UVRAG: variants seen among roughly 807,000 people sequenced by gnomAD.
The protein encoded by UVRAG is UV radiation resistance associated, also known as UV radiation resistance-associated gene protein.
A neutral mutation model predicts 78.0 loss-of-function variants in UVRAG; 19 were observed. The observed-to-expected ratio is 0.24, with a 90% CI of 0.17 to 0.36. UVRAG has a LOEUF of 0.36. Among genes scored for constraint, UVRAG ranks in the 10% least tolerant of loss-of-function variants. UVRAG has a pLI of 1.00. For synonymous variants in UVRAG, 323 were observed against 324.6 expected, an observed-to-expected ratio of 1.00 and a Z score of 0.05; for missense variants, 740 against 853.8, an observed-to-expected ratio of 0.87 and a Z score of 1.66.
intron 7 of UVRAG, among the ~76,000 whole-genome samples, chr11:75,967,082 T>G: frequency 6.6e-6 from 1 of 152,224 alleles, no homozygotes; most frequent in Non-Finnish European, 1.5e-5. Flanking sequence ...TTTTATTGGT[T>G]GTTTATGCCA....
intron 5 of UVRAG, among the ~76,000 whole-genome samples, chr11:75,898,149 G>A (rs949468116): frequency 4.6e-5 from 7 of 152,080 alleles, no homozygotes; most frequent in Admixed American, 4.6e-4. Context: ...GATTACAGGC[G>A]TGAGCCACTG....
intron 12 of UVRAG, among the ~76,000 whole-genome samples, chr11:76,018,159 A>G (rs1171984239): frequency 3.3e-5 from 5 of 152,176 alleles, no homozygotes; most frequent in Non-Finnish European, 7.3e-5. Flanking sequence ...TGGTAAAGGT[A>G]CTAATTTATA....
At position 76,140,756 on chromosome 11, in the gene UVRAG, A is replaced by G. The variant is rs1952703818; in HGVS notation, c.1443A>G (p.Gln481=). Residue 481 remains glutamine, a synonymous_variant, in exon 15 of 15, where the codon CAA becomes CAG. Transcript: ENST00000356136. ...GTGCAATCCCTGTTCCTAAGAGACA[A>G]AGCTCCATATTTGGGGGTGCAGATG... ...TSSAIPVPKR[Q]SSIFGGADVG... is the part of the protein sequence containing the mutation. 6.2e-7 allele frequency: 1 copy of G among 1,610,292 alleles called. No individual in the cohort carries two copies. The highest frequency in any genetic ancestry group is 1.7e-5 in the Admixed American group (1 of 59,212).
At chr11:75,943,694 A>G (rs571151615) in intron 6 of UVRAG, among the ~76,000 whole-genome samples, 70 of 152,266 alleles carry the variant, frequency 4.6e-4, no homozygotes, top group African/African-American at 1.6e-3. Flanking sequence ...TAATTATCAC[A>G]TGCTTTCACA....
intron 13 of UVRAG, among the ~76,000 whole-genome samples, chr11:76,084,452 T>G (rs900990038): frequency 2.2e-4 from 34 of 152,204 alleles, no homozygotes; most frequent in African/African-American, 8.0e-4. Context: ...CATGTTGTCA[T>G]TTTTATTCTC....
intron 12 of UVRAG, among the ~76,000 whole-genome samples, chr11:76,029,471 C>T (rs758173060): frequency 4.6e-5 from 7 of 152,080 alleles, no homozygotes; most frequent in South Asian, 2.1e-4. Flanking sequence ...ATTCTAAATG[C>T]GATTCAGAAT....
intron 12 of UVRAG, among the ~76,000 whole-genome samples, chr11:76,031,146 A>G (rs970004763): frequency 1.3e-5 from 2 of 152,168 alleles, no homozygotes; most frequent in African/African-American, 2.4e-5. Flanking sequence ...TCTGGCCAGG[A>G]CAATCATTAT....
Position 75,991,535 on chromosome 11 carries a change from T to G in UVRAG, c.826+8022T>G, listed in dbSNP as rs569617196. Among the ~76,000 whole-genome samples the G allele has an allele frequency of 3.3e-5, 5 of 152,278 alleles. No individual in the cohort carries two copies. In the East Asian group the frequency reaches 9.6e-4, roughly 29 times the overall value. ...GGTAGATGCTATTATTATTTACCTT[T>G]TATAGCTGAGGAAACTATGTCAGGG... On this transcript the variant is annotated intron_variant, in intron 8 of 14. Coordinates refer to ENST00000356136, the MANE Select transcript of UVRAG (RefSeq NM_003369.4).
At chr11:76,078,752 C>CAAAAAAAAAAAAAAA (rs61700855) in intron 13 of UVRAG, among the ~76,000 whole-genome samples, 1 of 37,200 alleles carries the variant, frequency 2.7e-5, no homozygotes, top group African/African-American at 6.8e-5. Flanking sequence ...ACTAAAAATA[C>CAAAAAAAAAAAAAAA]AAAAAAAAAA....
At chr11:76,104,165 A>T (rs941597658) in intron 13 of UVRAG, among the ~76,000 whole-genome samples, 1 of 152,192 alleles carries the variant, frequency 6.6e-6, no homozygotes, top group African/African-American at 2.4e-5. Flanking sequence ...TCATATGTAG[A>T]GTGGGAATTA....
intron 12 of UVRAG, among the ~76,000 whole-genome samples, chr11:76,048,414 C>G (rs756749013): frequency 6.6e-6 from 1 of 152,162 alleles, no homozygotes; most frequent in Non-Finnish European, 1.5e-5. Flanking sequence ...CTTGTAAGTA[C>G]TTGTCAGAGG....
At chr11:75,947,697 G>T (rs181193376) in intron 6 of UVRAG, among the ~76,000 whole-genome samples, 1 of 152,164 alleles carries the variant, frequency 6.6e-6, no homozygotes, top group African/African-American at 2.4e-5. Context: ...GGGTTTGTGG[G>T]TGGGAAATAA....
intron 7 of UVRAG, among the ~76,000 whole-genome samples, chr11:75,980,741 G>C (rs1425893987): frequency 6.7e-6 from 1 of 150,348 alleles, no homozygotes; most frequent in Non-Finnish European, 1.5e-5. Context: ...GAGTGTAATG[G>C]CGTGACCTCG....
chr11:75,847,469 A>C (rs1186581049), intron 1 of UVRAG, among the ~76,000 whole-genome samples: 1 of 150,992 alleles, frequency 6.6e-6, no homozygotes. Context: ...GGGTCTCACT[A>C]TGTTGTTGCC....
intron 6 of UVRAG, among the ~76,000 whole-genome samples, chr11:75,943,589 G>A (rs1948528201): frequency 6.6e-6 from 1 of 152,034 alleles, no homozygotes; most frequent in African/African-American, 2.4e-5. Context: ...GATGTAAATT[G>A]GAAATGCGAA....
At chr11:75,869,468 T>C (rs1946602764) in intron 3 of UVRAG, among the ~76,000 whole-genome samples, 1 of 152,222 alleles carries the variant, frequency 6.6e-6, no homozygotes, top group Non-Finnish European at 1.5e-5. Flanking sequence ...ATTGAGTGTG[T>C]GTGTGTGTAG....
intron 8 of UVRAG, chr11:75,983,800 C>T (rs747757552): frequency 3.8e-6 from 1 of 260,974 alleles, no homozygotes; most frequent in Non-Finnish European, 7.2e-6. Context: ...GCAACTATAA[C>T]ACAATGGTGA....
chr11:75,887,601 C>T (rs181283434), intron 4 of UVRAG, among the ~76,000 whole-genome samples: 13 of 152,166 alleles, frequency 8.5e-5, no homozygotes, highest in African/African-American at 3.1e-4. Flanking sequence ...GCGCCCGCTA[C>T]CACGCCCAGC....
At chr11:75,924,255 A>T (rs1162526559) in intron 6 of UVRAG, among the ~76,000 whole-genome samples, 1 of 152,208 alleles carries the variant, frequency 6.6e-6, no homozygotes, top group Admixed American at 6.5e-5. Context: ...CTTTCCAAAG[A>T]TGATTAGTAC....
Sources: allele counts gnomAD v4.1 joint callset (sites outside exome capture counted in the v4.1 genomes callset), GRCh38; gene constraint gnomAD v4.1.1; transcripts MANE v1.5; gene names NCBI Gene and HGNC (gene_info 2026-07-23, HGNC 2026-07-21).